The following IL1RAPL1 variants were observed in gnomAD, a reference collection of about 807,000 sequenced individuals.
IL1RAPL1 encodes the protein interleukin-1 receptor accessory protein-like 1.
In IL1RAPL1, 3 loss-of-function variants were observed where a neutral mutation model predicts 48.4. The observed-to-expected ratio is 0.06, with a 90% CI of 0.03 to 0.16. The LOEUF (loss-of-function observed/expected upper bound fraction) is 0.16, where lower values mean the gene tolerates loss of function less well. Ranked by LOEUF, IL1RAPL1 falls within the 10% of genes least tolerant of loss-of-function variation. The pLI is 1.00. For missense variants in IL1RAPL1, 349 were observed against 530.6 expected, an observed-to-expected ratio of 0.66 and a Z score of 3.36; for synonymous variants, 185 against 187.7, an observed-to-expected ratio of 0.99 and a Z score of 0.12.
chrX:29,745,806 A>G (rs1450688147), intron 6 of IL1RAPL1, among the ~76,000 whole-genome samples: 1 of 111,027 alleles, frequency 9.0e-6, no homozygotes, highest in East Asian at 2.8e-4. Flanking sequence ...TCCTATATGT[A>G]AAAGTATACT....
intron 5 of IL1RAPL1, among the ~76,000 whole-genome samples, chrX:29,597,328 T>C (rs1923584209): frequency 9.1e-6 from 1 of 109,765 alleles, no homozygotes; most frequent in Non-Finnish European, 1.9e-5. Context: ...TAATTTTGTA[T>C]TTTTAGTAGA....
At chrX:28,846,338 T>C (rs1362838713) in intron 2 of IL1RAPL1, among the ~76,000 whole-genome samples, 2 of 112,073 alleles carry the variant, frequency 1.8e-5, no homozygotes, top group African/African-American at 6.5e-5. Context: ...GAAAGACATA[T>C]TGGTTGCATC....
chrX:29,808,795 A>C (rs913052761), intron 6 of IL1RAPL1, among the ~76,000 whole-genome samples: 3 of 111,453 alleles, frequency 2.7e-5, no homozygotes, highest in Admixed American at 9.6e-5. Flanking sequence ...AAACTCTTAC[A>C]ATTATGTGGT....
intron 6 of IL1RAPL1, among the ~76,000 whole-genome samples, chrX:29,756,031 G>A (rs1315017646): frequency 9.0e-6 from 1 of 111,441 alleles, no homozygotes; most frequent in African/African-American, 3.3e-5. Flanking sequence ...CTGTGAAATG[G>A]GGTCTGAAAT....
At chrX:29,149,731 G>A in intron 2 of IL1RAPL1, among the ~76,000 whole-genome samples, 1 of 111,859 alleles carries the variant, frequency 8.9e-6, no homozygotes, top group Admixed American at 9.5e-5. Flanking sequence ...AAGCACTATC[G>A]CAGTGTTGGG....
In IL1RAPL1 at chrX:29,324,846, T is replaced by A. The variant is rs777257957; in HGVS notation, c.362+41629T>A. 5.6e-4 allele frequency among the ~76,000 whole-genome samples: 63 copies of A among 111,578 alleles called. 3 individuals are homozygous for A. Among genetic ancestry groups the A allele is most frequent in the Admixed American group, 5.4e-3 (57 of 10,481 alleles). The stretch of plus-strand genomic sequence containing the variant: ...CTGTGCCTCAATATAATCAATGTGA[T>A]CAATTTTACATTGTTGGTATTATTC... On this transcript the variant is annotated intron_variant, in intron 3 of 10. Transcript: ENST00000378993.
chrX:29,876,627 A>G (rs1448450779), intron 6 of IL1RAPL1, among the ~76,000 whole-genome samples: 1 of 111,436 alleles, frequency 9.0e-6, no homozygotes, highest in Non-Finnish European at 1.9e-5. Context: ...CCAAATATCT[A>G]TTAGTAACCC....
At chrX:29,356,568 T>TAC (rs746323746) in intron 3 of IL1RAPL1, among the ~76,000 whole-genome samples, 238 of 108,603 alleles carry the variant, frequency 2.2e-3, no homozygotes, top group African/African-American at 4.3e-3. Context: ...GTGTGACACA[T>TAC]ACACACACAC....
chrX:29,201,423 A>T (rs1930552764), intron 2 of IL1RAPL1, among the ~76,000 whole-genome samples: 1 of 110,144 alleles, frequency 9.1e-6, no homozygotes, highest in Non-Finnish European at 1.9e-5. Flanking sequence ...TAACACATTT[A>T]AAAAAAAATA....
At chrX:29,451,655 C>T (rs181955242) in intron 5 of IL1RAPL1, among the ~76,000 whole-genome samples, 9 of 111,167 alleles carry the variant, frequency 8.1e-5, no homozygotes, top group African/African-American at 1.3e-4. Flanking sequence ...CATGTATATG[C>T]ATATATATAT....
At chrX:29,076,790 G>GTCTATCTA (rs1260332166) in intron 2 of IL1RAPL1, among the ~76,000 whole-genome samples, 1 of 41,604 alleles carries the variant, frequency 2.4e-5, no homozygotes, top group Non-Finnish European at 4.7e-5. Context: ...CTGTCTGTCT[G>GTCTATCTA]TCTGTCTGTC....
In IL1RAPL1 at chrX:29,620,675, C is replaced by G. The variant is rs189004516; in HGVS notation, c.704-47755C>G. Among the ~76,000 whole-genome samples, 176 of 111,775 alleles carry G rather than the reference C, an allele frequency of 1.6e-3. 2 individuals are homozygous for G. The highest frequency in any genetic ancestry group is 0.013 in the Admixed American group (132 of 10,519). ...GCAGCAGCTGTCAGTTGATGGGGGC[C>G]GCCATTACTTGTAGAAGAAACCTTC... On this transcript the variant is annotated intron_variant, in intron 5 of 10. Coordinates refer to ENST00000378993, the MANE Select transcript of IL1RAPL1 (RefSeq NM_014271.4).
At chrX:28,976,022 T>C (rs1021748176) in intron 2 of IL1RAPL1, among the ~76,000 whole-genome samples, 7 of 111,224 alleles carry the variant, frequency 6.3e-5, no homozygotes, top group African/African-American at 2.0e-4. Flanking sequence ...CAGTAAAGAA[T>C]GGAGGAGAAA....
At chrX:28,766,567 T>G (rs1398246695) in intron 1 of IL1RAPL1, among the ~76,000 whole-genome samples, 1 of 111,141 alleles carries the variant, frequency 9.0e-6, no homozygotes, top group Admixed American at 9.6e-5. Context: ...TTTAGTTGTT[T>G]TAAAATGTAC....
chrX:29,426,274 T>G (rs1324908777), intron 5 of IL1RAPL1, among the ~76,000 whole-genome samples: 1 of 112,114 alleles, frequency 8.9e-6, no homozygotes, highest in Non-Finnish European at 1.9e-5. Flanking sequence ...TAACCTTTAC[T>G]GAGGCCATCC....
At chrX:29,906,098 A>G (rs1457326000) in intron 6 of IL1RAPL1, among the ~76,000 whole-genome samples, 1 of 109,600 alleles carries the variant, frequency 9.1e-6, no homozygotes, top group African/African-American at 3.3e-5. Flanking sequence ...AGCCTTTGGG[A>G]GGCCGAGGCA....
chrX:28,741,599 A>G (rs1935907822), intron 1 of IL1RAPL1, among the ~76,000 whole-genome samples: 1 of 111,841 alleles, frequency 8.9e-6, no homozygotes, highest in South Asian at 3.7e-4. Context: ...ATATTAAAAC[A>G]TTTTCCAAGA....
At chrX:29,509,651 GTGCACACACA>G (rs935755532) in intron 5 of IL1RAPL1, among the ~76,000 whole-genome samples, 6 of 109,621 alleles carry the variant, frequency 5.5e-5, no homozygotes, top group African/African-American at 1.7e-4. Flanking sequence ...GTGTGCTCTG[GTGCACACACA>G]TGCACACACA....
At chrX:29,517,639 C>A (rs1935460269) in intron 5 of IL1RAPL1, among the ~76,000 whole-genome samples, 1 of 111,680 alleles carries the variant, frequency 9.0e-6, no homozygotes. Context: ...TGATTCCAAC[C>A]CAAATGTCCC....
Sources: gnomAD v4.1 joint callset for allele counts (sites outside exome capture counted in the v4.1 genomes callset) on GRCh38, gnomAD v4.1.1 for gene constraint, MANE v1.5 for transcripts, NCBI Gene and HGNC (gene_info 2026-07-23, HGNC 2026-07-21) for gene names.